Variants in FAM222A observed in about 807,000 individuals in gnomAD.
FAM222A encodes the protein protein FAM222A.
Under a neutral mutation model 25.8 loss-of-function variants are expected in FAM222A, and 7 were observed. The observed-to-expected ratio is 0.27, with a 90% CI of 0.15 to 0.51. The LOEUF (loss-of-function observed/expected upper bound fraction) is 0.51. Among genes scored for constraint, FAM222A ranks in the 20% least tolerant of loss-of-function variants. The pLI, the probability that FAM222A is intolerant of heterozygous loss-of-function variation, is 0.97. For synonymous variants in FAM222A, 294 were observed against 298.8 expected (o/e 0.98, Z 0.17); for missense variants, 573 against 640.5 (o/e 0.89, Z 1.14).
chr12:109,767,062 CTT>C (rs757766627), intron 2 of FAM222A, among the ~76,000 whole-genome samples: 8 of 93,074 alleles, frequency 8.6e-5, no homozygotes, highest in African/African-American at 3.4e-4. Context: ...TGCTTGGCTT[CTT>C]TTTTTTTTTT....
At position 109,768,384 on chromosome 12, in the gene FAM222A, G is replaced by A; in HGVS notation, c.455G>A (p.Ser152Asn). The A allele has an allele frequency of 6.3e-7, 1 of 1,598,044 alleles. No homozygotes were observed. The highest frequency in any genetic ancestry group is 8.5e-7 in the Non-Finnish European group (1 of 1,177,334). Residue 152 changes from serine (S) to asparagine (N), a missense_variant, in exon 3 of 3, where the codon AGC (serine) becomes AAC (asparagine). This residue lies in a region of FAM222A where 412 missense variants were observed against 407.0 expected (regional missense o/e 1.01). Transcript: ENST00000538780. Reference sequence around the variant, plus strand: ...GGCATTGCGCCCTACCCAGTGCCCAGCACTCTGGGTCCCTTGGCCTACCCC... The same window carrying A: ...GGCATTGCGCCCTACCCAGTGCCCAACACTCTGGGTCCCTTGGCCTACCCC... Reference protein sequence around the residue: ...QVGIAPYPVPSTLGPLAYPKP... With the variant: ...QVGIAPYPVPNTLGPLAYPKP...
At chr12:109,760,660 A>AC (rs1888865710) in intron 2 of FAM222A, among the ~76,000 whole-genome samples, 1 of 151,588 alleles carries the variant, frequency 6.6e-6, no homozygotes, top group South Asian at 2.1e-4. Flanking sequence ...TTTGTTTGTG[A>AC]CCCCCGCTTG....
chr12:109,765,594 C>T (rs947802400), intron 2 of FAM222A, among the ~76,000 whole-genome samples: 1 of 152,248 alleles, frequency 6.6e-6, no homozygotes, highest in African/African-American at 2.4e-5. Flanking sequence ...AACCAGGATA[C>T]AGTTCCTTTT....
chr12:109,763,159 C>T (rs937036546), intron 2 of FAM222A, among the ~76,000 whole-genome samples: 3 of 152,214 alleles, frequency 2.0e-5, no homozygotes, highest in African/African-American at 7.2e-5. Flanking sequence ...AAGCCCCTGG[C>T]TTTGCCCTGC....
At chr12:109,755,391 C>T (rs1888696670) in intron 2 of FAM222A, among the ~76,000 whole-genome samples, 1 of 146,576 alleles carries the variant, frequency 6.8e-6, no homozygotes, top group African/African-American at 2.5e-5. Context: ...CGGCTCACCG[C>T]AATCTCGGCT....
At chr12:109,743,858 G>C in intron 1 of FAM222A, 1 of 985,420 alleles carries the variant, frequency 1.0e-6, no homozygotes, top group Non-Finnish European at 1.2e-6. Context: ...GCCGGGGCAT[G>C]TGTGATCCAT....
intron 1 of FAM222A, chr12:109,734,243 G>A (rs1218058478): frequency 6.6e-6 from 1 of 151,546 alleles, no homozygotes; most frequent in East Asian, 1.9e-4. Context: ...GAAGCCACTA[G>A]GTGAGCTCTA....
chr12:109,724,206 T>C (rs1454465291), intron 1 of FAM222A, among the ~76,000 whole-genome samples: 2 of 152,240 alleles, frequency 1.3e-5, no homozygotes, highest in Non-Finnish European at 2.9e-5. Flanking sequence ...CTCTGGGCCT[T>C]GGCACGTGCC....
In FAM222A at chr12:109,744,062, A is replaced by G. The variant is rs1888319305; in HGVS notation, c.-46-39A>G. The G allele has an allele frequency of 2.0e-6, 3 of 1,533,804 alleles. No homozygotes were observed. The Admixed American group carries it at 5.9e-5, about 30-fold the overall frequency. ...GAATGGTGGGAGGCGAACACGGAGC[A>G]GCCCCCAAGTGACAGAGCACCCCAT... On this transcript the variant is annotated intron_variant, in intron 1 of 2. Coordinates refer to ENST00000538780, the MANE Select transcript of FAM222A (RefSeq NM_032829.3).
At chr12:109,761,127 G>A (rs1592799114) in intron 2 of FAM222A, among the ~76,000 whole-genome samples, 1 of 152,170 alleles carries the variant, frequency 6.6e-6, no homozygotes, top group African/African-American at 2.4e-5. Context: ...AGGGACAGTG[G>A]TGTGCCTCAG....
intron 1 of FAM222A, among the ~76,000 whole-genome samples, chr12:109,726,000 G>GGCGA (rs1017154557): frequency 6.6e-6 from 1 of 152,026 alleles, no homozygotes; most frequent in Non-Finnish European, 1.5e-5. Flanking sequence ...TGTGTAGCAG[G>GGCGA]GCGAGGGTTG....
chr12:109,762,105 G>C (rs1888914995), intron 2 of FAM222A, among the ~76,000 whole-genome samples: 1 of 152,184 alleles, frequency 6.6e-6, no homozygotes, highest in African/African-American at 2.4e-5. Context: ...CTTCTTTGCT[G>C]ACCACCCTGT....
At chr12:109,733,139 C>T (rs564996425) in intron 1 of FAM222A, among the ~76,000 whole-genome samples, 1 of 152,012 alleles carries the variant, frequency 6.6e-6, no homozygotes, top group Admixed American at 6.5e-5. Context: ...GTACTGGGGA[C>T]AGTGTGGTGT....
chr12:109,747,951 G>A (rs1355249472), intron 2 of FAM222A, among the ~76,000 whole-genome samples: 2 of 152,106 alleles, frequency 1.3e-5, no homozygotes, highest in Admixed American at 6.5e-5. Context: ...AACAATAATA[G>A]TGGCGATAAT....
Position 109,713,890 on chromosome 12 carries a change from C to G in FAM222A, c.-1054C>G, listed in dbSNP as rs1231422509. On this transcript the variant is annotated 5_prime_UTR_variant, in exon 1 of 3. Coordinates refer to ENST00000538780, the MANE Select transcript of FAM222A (RefSeq NM_032829.3). ...GGCTGCTCCGCGGAGAGGCTGCGCG[C>G]GCCGGCCGGGGGAGGCGGACAGCCG... Among the ~76,000 whole-genome samples, 1 of 147,608 alleles carries G rather than the reference C, an allele frequency of 6.8e-6. No individual in the cohort carries two copies. Among genetic ancestry groups the G allele is most frequent in the African/African-American group, 2.5e-5 (1 of 40,800 alleles).
At chr12:109,726,118 C>CT (rs1466498257) in intron 1 of FAM222A, among the ~76,000 whole-genome samples, 5 of 26,400 alleles carry the variant, frequency 1.9e-4, no homozygotes, top group African/African-American at 4.6e-4. Context: ...GAAAAAATTG[C>CT]TAAAAAAAAA....
chr12:109,723,472 C>T (rs1355833933), intron 1 of FAM222A, among the ~76,000 whole-genome samples: 1 of 152,208 alleles, frequency 6.6e-6, no homozygotes, highest in Admixed American at 6.5e-5. Context: ...TTATGGTTCG[C>T]CCCACCCAGC....
intron 2 of FAM222A, among the ~76,000 whole-genome samples, chr12:109,750,404 G>A (rs992804653): frequency 1.2e-4 from 19 of 152,252 alleles, no homozygotes; most frequent in Middle Eastern, 3.4e-3. Context: ...AGTGGCTCAC[G>A]CCTGCAGTCC....
At chr12:109,765,767 C>G (rs954455881) in intron 2 of FAM222A, among the ~76,000 whole-genome samples, 2 of 152,244 alleles carry the variant, frequency 1.3e-5, no homozygotes, top group African/African-American at 2.4e-5. Context: ...AGGGTCTGCA[C>G]TCTATCCCCA....
Sources: allele counts gnomAD v4.1 joint callset (sites outside exome capture counted in the v4.1 genomes callset), GRCh38; gene constraint gnomAD v4.1.1; regional missense constraint gnomAD v4.1.1; transcripts MANE v1.5; gene names NCBI Gene and HGNC (gene_info 2026-07-23, HGNC 2026-07-21).